The following PRELID2 variants were observed in gnomAD, a reference collection of about 807,000 sequenced individuals.
The protein encoded by PRELID2 is PRELI domain containing 2.
In PRELID2, 25 loss-of-function variants were observed where a neutral mutation model predicts 28.4. The ratio of observed to expected loss-of-function variants is 0.88; its 90% CI spans 0.64 to 1.23. The LOEUF (loss-of-function observed/expected upper bound fraction) is 1.23. Ranked by LOEUF, PRELID2 falls within the 50% of genes most tolerant of loss-of-function variation. The pLI is 0.00. For missense variants in PRELID2, 201 were observed against 214.4 expected (o/e 0.94, Z 0.39); for synonymous variants, 76 against 71.6 (o/e 1.06, Z -0.31).
chr5:145,302,338 G>A, the PRELID2 span, among the ~76,000 whole-genome samples: 3 of 151,382 alleles, frequency 2.0e-5, no homozygotes, highest in African/African-American at 4.9e-5. Flanking sequence ...GGGTTTCTCC[G>A]TGTTGCCCAG....
chr5:145,602,867 C>A (rs936263528), intron 1 of PRELID2, among the ~76,000 whole-genome samples: 5 of 151,996 alleles, frequency 3.3e-5, no homozygotes, highest in Non-Finnish European at 5.9e-5. Flanking sequence ...GCCTGGCCAA[C>A]AAGGTGAAAC....
chr5:145,336,985 A>G, the PRELID2 span, among the ~76,000 whole-genome samples: 1 of 108,876 alleles, frequency 9.2e-6, no homozygotes, highest in African/African-American at 3.5e-5. Flanking sequence ...GGGGGGAGGG[A>G]TAGCTTTAGG....
At chr5:145,514,225 G>T (rs933801870) in intron 1 of PRELID2, among the ~76,000 whole-genome samples, 3 of 151,824 alleles carry the variant, frequency 2.0e-5, no homozygotes, top group African/African-American at 7.3e-5. Context: ...AGACCCATCA[G>T]TGTGCTGTAT....
chr5:145,395,628 C>T, the PRELID2 span, among the ~76,000 whole-genome samples: 18 of 152,176 alleles, frequency 1.2e-4, no homozygotes, highest in African/African-American at 3.1e-4. Context: ...CTATAAAGGA[C>T]GAACACGTTT....
At chr5:145,540,689 G>GAA (rs34388522) in intron 1 of PRELID2, among the ~76,000 whole-genome samples, 31 of 98,408 alleles carry the variant, frequency 3.2e-4, no homozygotes, top group African/African-American at 9.6e-4. Context: ...GTCAATGGCA[G>GAA]AAAAAAAAAA....
chr5:145,255,681 C>T, the PRELID2 span, among the ~76,000 whole-genome samples: 2 of 151,646 alleles, frequency 1.3e-5, no homozygotes, highest in Admixed American at 1.3e-4. Flanking sequence ...CTTGGGAGGC[C>T]AAGGTGGAAG....
chr5:145,695,229 T>C (rs1755233889), intron 1 of PRELID2, among the ~76,000 whole-genome samples: 2 of 152,214 alleles, frequency 1.3e-5, no homozygotes, highest in African/African-American at 2.4e-5. Context: ...AGAGGTGACA[T>C]GAATGCCAAG....
the PRELID2 span, among the ~76,000 whole-genome samples, chr5:145,258,129 G>T: frequency 2.0e-4 from 30 of 152,262 alleles, no homozygotes; most frequent in Non-Finnish European, 3.8e-4. Flanking sequence ...TTTCTGTACA[G>T]CCTGCAGAAC....
At chr5:145,280,187 C>T in the PRELID2 span, among the ~76,000 whole-genome samples, 2 of 151,998 alleles carry the variant, frequency 1.3e-5, no homozygotes, top group Admixed American at 6.6e-5. Context: ...ATGCCGGCCC[C>T]CTCCCTATGT....
downstream of PRELID2, among the ~76,000 whole-genome samples, chr5:145,467,286 A>G (rs1752010983): frequency 6.6e-6 from 1 of 152,128 alleles, no homozygotes; most frequent in South Asian, 2.1e-4. Context: ...CATCTGCATC[A>G]TGGAATTCCC....
At chr5:145,287,150 A>C in the PRELID2 span, among the ~76,000 whole-genome samples, 1 of 152,192 alleles carries the variant, frequency 6.6e-6, no homozygotes, top group Non-Finnish European at 1.5e-5. Flanking sequence ...CCTTCAGTTC[A>C]TGCCTGAAAC....
downstream of PRELID2, among the ~76,000 whole-genome samples, chr5:145,752,644 C>G (rs189334125): frequency 6.6e-6 from 1 of 152,318 alleles, no homozygotes; most frequent in African/African-American, 2.4e-5. Context: ...TCACCCTCAT[C>G]TAGTCAGTGA....
intron 1 of PRELID2, among the ~76,000 whole-genome samples, chr5:145,685,929 AG>A (rs1755029269): frequency 6.6e-6 from 1 of 152,192 alleles, no homozygotes; most frequent in Non-Finnish European, 1.5e-5. Flanking sequence ...GATCCAAAAA[AG>A]CTGCTTGACT....
chr5:145,676,865 A>G (rs1339499731), intron 1 of PRELID2, among the ~76,000 whole-genome samples: 2 of 152,194 alleles, frequency 1.3e-5, no homozygotes, highest in African/African-American at 4.8e-5. Context: ...GACTACAAGA[A>G]ACTCTACTGA....
Position 145,639,101 on chromosome 5 carries a change from A to C in PRELID2, n.70+125830T>G, listed in dbSNP as rs150622722. 1.3e-3 allele frequency among the ~76,000 whole-genome samples: 196 copies of C among 152,356 alleles called. 2 individuals carry two copies. The highest frequency in any genetic ancestry group is 4.6e-3 in the African/African-American group (192 of 41,584). On this transcript the variant is annotated intron_variant and non_coding_transcript_variant, in intron 1 of 2. Transcript: ENST00000510259. ...GAAGTAGATTGGCCTTTCCCAAAAC[A>C]TATAACTCTAGCTTTAGAAGACCAC... is the stretch of plus-strand genomic sequence containing the variant.
the PRELID2 span, among the ~76,000 whole-genome samples, chr5:145,359,187 T>C: frequency 2.6e-5 from 4 of 152,184 alleles, no homozygotes; most frequent in African/African-American, 9.6e-5. Context: ...GCTTGACAAA[T>C]GGGCTTTATT....
At chr5:145,740,482 G>C (rs1216841279) in intron 1 of PRELID2, among the ~76,000 whole-genome samples, 1 of 137,834 alleles carries the variant, frequency 7.3e-6, no homozygotes, top group South Asian at 2.2e-4. Context: ...CTAGGATATA[G>C]AAGAATGCAA....
chr5:145,422,619 C>G, the PRELID2 span, among the ~76,000 whole-genome samples: 153 of 152,072 alleles, frequency 1.0e-3, no homozygotes, highest in African/African-American at 3.5e-3. Flanking sequence ...TATTTTGAGC[C>G]TATGTGTGTC....
At chr5:145,503,513 C>G (rs13179436) in intron 1 of PRELID2, among the ~76,000 whole-genome samples, 1 of 151,708 alleles carries the variant, frequency 6.6e-6, no homozygotes, top group Non-Finnish European at 1.5e-5. Context: ...TACGCATTTC[C>G]TCCTCCAAAC....
Sources: gnomAD v4.1 joint callset for allele counts (sites outside exome capture counted in the v4.1 genomes callset) on GRCh38, gnomAD v4.1.1 for gene constraint, MANE v1.5 for transcripts, NCBI Gene and HGNC (gene_info 2026-07-23, HGNC 2026-07-21) for gene names.